The following GABRB3 variants were observed in gnomAD, a reference collection of about 807,000 sequenced individuals.
GABRB3 encodes gamma-aminobutyric acid type A receptor subunit beta3.
A neutral mutation model predicts 52.1 loss-of-function variants in GABRB3; 14 were observed. That is an observed-to-expected ratio of 0.27 (90% CI 0.18 to 0.42). The LOEUF (loss-of-function observed/expected upper bound fraction) is 0.42, where lower values mean the gene tolerates loss of function less well. Among genes scored for constraint, GABRB3 ranks in the 10% least tolerant of loss-of-function variants. The pLI is 1.00. For missense variants in GABRB3, 307 were observed against 609.1 expected (o/e 0.50, Z 5.22); for synonymous variants, 260 against 232.3 (o/e 1.12, Z -1.08).
chr15:26,577,417 G>T (rs930569239), intron 6 of GABRB3, among the ~76,000 whole-genome samples: 2 of 152,122 alleles, frequency 1.3e-5, no homozygotes, highest in Non-Finnish European at 2.9e-5. Context: ...GGAGGCTGAG[G>T]CAGGAGAATC....
At chr15:26,662,552 C>T (rs1411865027) in intron 3 of GABRB3, among the ~76,000 whole-genome samples, 6 of 152,236 alleles carry the variant, frequency 3.9e-5, no homozygotes, top group Non-Finnish European at 7.3e-5. Context: ...GGCCTCATTA[C>T]TCTGTGCAGC....
At chr15:26,727,761 A>T (rs1403002734) in intron 3 of GABRB3, among the ~76,000 whole-genome samples, 1 of 152,192 alleles carries the variant, frequency 6.6e-6, no homozygotes, top group Non-Finnish European at 1.5e-5. Flanking sequence ...CATATATATC[A>T]TGACCTCATG....
chr15:26,708,995 A>G (rs933359166), intron 3 of GABRB3, among the ~76,000 whole-genome samples: 3 of 152,220 alleles, frequency 2.0e-5, no homozygotes, highest in African/African-American at 7.2e-5. Context: ...AAGAAAATTT[A>G]AATATTGATT....
intron 8 of GABRB3, among the ~76,000 whole-genome samples, chr15:26,554,190 A>AAAGTATATATATATAAAGTATATATAT (rs1567097853): frequency 3.2e-5 from 1 of 31,532 alleles, no homozygotes; most frequent in African/African-American, 8.5e-5. Flanking sequence ...ATATATATAT[A>AAAGTATATATATATAAAGTATATATAT]CTATATATAT....
intron 3 of GABRB3, among the ~76,000 whole-genome samples, chr15:26,643,049 C>T (rs1204629579): frequency 1.3e-5 from 2 of 152,200 alleles, no homozygotes; most frequent in Admixed American, 1.3e-4. Flanking sequence ...CCTCAGCTGA[C>T]ACCTCCACCC....
At position 26,772,450 on chromosome 15, in the gene GABRB3, C is replaced by G. The variant is rs1215093816; in HGVS notation, c.192G>C (p.Gly64=). The G allele has an allele frequency of 2.5e-6, 4 of 1,610,920 alleles. No individual in the cohort carries two copies. Among genetic ancestry groups the G allele is most frequent in the East Asian group, 2.2e-5 (1 of 44,736 alleles). Residue 64 remains glycine (G), a synonymous_variant, in exon 3 of 9, where the codon GGG becomes GGC. Coordinates refer to ENST00000311550, the MANE Select transcript of GABRB3 (RefSeq NM_000814.6). ...CGATGCTGGCGATGTCGATGTTCAT[C>G]CCCACGCAGACCGGGGGACCTGCGG... ...PDFGGPPVCV[G]MNIDIASIDM... is the part of the protein sequence containing the mutation.
intron 8 of GABRB3, among the ~76,000 whole-genome samples, chr15:26,552,679 CAAG>C (rs1401495655): frequency 9.9e-5 from 15 of 152,138 alleles, no homozygotes; most frequent in African/African-American, 2.9e-4. Flanking sequence ...CTGGTCTTTG[CAAG>C]AAGAACGATT....
intron 7 of GABRB3, among the ~76,000 whole-genome samples, chr15:26,561,639 T>C (rs1889992127): frequency 6.6e-6 from 1 of 152,268 alleles, no homozygotes; most frequent in Non-Finnish European, 1.5e-5. Context: ...GGCAAGGCTA[T>C]GAGCGAGAGC....
chr15:26,670,503 G>A (rs970198203), intron 3 of GABRB3, among the ~76,000 whole-genome samples: 2 of 152,164 alleles, frequency 1.3e-5, no homozygotes, highest in Admixed American at 6.5e-5. Flanking sequence ...GGGAGGAAGG[G>A]AAGAGAAGAG....
At chr15:26,704,272 G>A (rs917351852) in intron 3 of GABRB3, among the ~76,000 whole-genome samples, 1 of 152,224 alleles carries the variant, frequency 6.6e-6, no homozygotes, top group East Asian at 1.9e-4. Flanking sequence ...AAGACTTAAA[G>A]TAGCCTTGGG....
At chr15:26,660,364 T>A (rs1370209027) in intron 3 of GABRB3, among the ~76,000 whole-genome samples, 1 of 152,182 alleles carries the variant, frequency 6.6e-6, no homozygotes, top group East Asian at 1.9e-4. Flanking sequence ...TTTTGTTACA[T>A]TGTAGTTAAA....
intron 4 of GABRB3, among the ~76,000 whole-genome samples, chr15:26,605,869 T>C (rs192139583): frequency 1.1e-4 from 16 of 151,920 alleles, no homozygotes; most frequent in African/African-American, 3.9e-4. Flanking sequence ...AGAAAAGAGG[T>C]TTAATTGGCA....
intron 3 of GABRB3, among the ~76,000 whole-genome samples, chr15:26,709,377 T>C (rs1044057926): frequency 6.6e-6 from 1 of 152,082 alleles, no homozygotes; most frequent in East Asian, 1.9e-4. Flanking sequence ...TCTTTCTCCA[T>C]AGGACATGCT....
At chr15:26,590,410 T>C (rs367997218) in intron 4 of GABRB3, 1 of 152,190 alleles carries the variant, frequency 6.6e-6, no homozygotes, top group Non-Finnish European at 1.5e-5. Context: ...AGGTAACCAT[T>C]TGGCCCTTTG....
At chr15:26,752,183 T>A (rs1016057409) in intron 3 of GABRB3, among the ~76,000 whole-genome samples, 2 of 152,124 alleles carry the variant, frequency 1.3e-5, no homozygotes, top group African/African-American at 4.8e-5. Flanking sequence ...TGGAGAGACT[T>A]CCTGCAGACT....
At chr15:26,580,182 G>A in intron 6 of GABRB3, 137 bp downstream of exon 6, 2 of 997,676 alleles carry the variant, frequency 2.0e-6, no homozygotes, top group Non-Finnish European at 3.1e-6. Flanking sequence ...GAGGAGGGGT[G>A]TGTGTGATGT....
At chr15:26,635,960 C>T (rs917990545) in intron 3 of GABRB3, among the ~76,000 whole-genome samples, 1 of 152,094 alleles carries the variant, frequency 6.6e-6, no homozygotes, top group Non-Finnish European at 1.5e-5. Flanking sequence ...TTGATATAGC[C>T]GAGAAATATT....
At chr15:26,667,426 G>A (rs567731375) in intron 3 of GABRB3, among the ~76,000 whole-genome samples, 31 of 152,320 alleles carry the variant, frequency 2.0e-4, no homozygotes, top group African/African-American at 7.5e-4. Context: ...TGCACCAGAA[G>A]AACCAGTTCA....
intron 3 of GABRB3, among the ~76,000 whole-genome samples, chr15:26,761,799 T>A (rs1482259009): frequency 6.6e-6 from 1 of 152,108 alleles, no homozygotes; most frequent in Non-Finnish European, 1.5e-5. Flanking sequence ...CTCTTGCACT[T>A]TCTCCTCTTC....
Sources: gnomAD v4.1 joint callset for allele counts (sites outside exome capture counted in the v4.1 genomes callset) on GRCh38, gnomAD v4.1.1 for gene constraint, MANE v1.5 for transcripts, NCBI Gene and HGNC (gene_info 2026-07-23, HGNC 2026-07-21) for gene names.